The following TRMT9B variants were observed in gnomAD, a reference collection of about 807,000 sequenced individuals.
TRMT9B encodes the protein probable tRNA methyltransferase 9B.
A neutral mutation model predicts 11.5 loss-of-function variants in TRMT9B; 16 were observed. The ratio of observed to expected loss-of-function variants is 1.39; its 90% CI spans 0.94 to 2.11. The LOEUF (loss-of-function observed/expected upper bound fraction) is 2.11. TRMT9B is among the 30% of genes most tolerant of loss of function. The pLI is 0.00. For missense variants in TRMT9B, 941 were observed against 553.8 expected (o/e 1.70, Z -7.02); for synonymous variants, 274 against 192.4 (o/e 1.42, Z -3.51).
chr8:12,953,539 A>AGG, intron 1 of TRMT9B, among the ~76,000 whole-genome samples: 1 of 152,138 alleles, frequency 6.6e-6, no homozygotes, highest in Middle Eastern at 3.4e-3. Context: ...TTTAGTAGAG[A>AGG]GGGGGATTTC....
intron 2 of TRMT9B, among the ~76,000 whole-genome samples, chr8:12,991,853 C>A (rs1342638854): frequency 1.3e-5 from 2 of 152,134 alleles, no homozygotes; most frequent in Non-Finnish European, 2.9e-5. Flanking sequence ...ATTGCTTGAA[C>A]CCAGGAGGTG....
At chr8:12,949,506 A>G (rs1800434340) in intron 1 of TRMT9B, among the ~76,000 whole-genome samples, 1 of 152,120 alleles carries the variant, frequency 6.6e-6, no homozygotes, top group African/African-American at 2.4e-5. Context: ...CTTTCCCACA[A>G]CCATTACCCA....
At chr8:13,015,095 AAAT>A (rs1812380042) in intron 4 of TRMT9B, among the ~76,000 whole-genome samples, 1 of 146,324 alleles carries the variant, frequency 6.8e-6, no homozygotes, top group African/African-American at 2.6e-5. Context: ...ATAAATAAAT[AAAT>A]AAAATAAAAA....
chr8:12,998,950 A>G (rs528358485), intron 2 of TRMT9B, among the ~76,000 whole-genome samples: 1 of 152,332 alleles, frequency 6.6e-6, no homozygotes, highest in Non-Finnish European at 1.5e-5. Flanking sequence ...TTGGATATAT[A>G]TGTTAATGTC....
chr8:13,002,545 G>T (rs899976180), intron 2 of TRMT9B, among the ~76,000 whole-genome samples: 2 of 152,150 alleles, frequency 1.3e-5, no homozygotes, highest in African/African-American at 2.4e-5. Flanking sequence ...TTTATACTCA[G>T]TTAGGAGTTT....
chr8:13,021,857 T>C lies in TRMT9B; in HGVS notation c.1178T>C (p.Met393Thr), dbSNP rs781257550. 21 of 1,613,774 alleles carry C rather than the reference T, an allele frequency of 1.3e-5. No homozygotes were observed. The highest frequency in any genetic ancestry group is 3.3e-5 in the Admixed American group (2 of 59,980). ...ACAGATTTCAACCCAGATGATACAA[T>C]GTCTGTCGAAGATCCACAGACTGAT... ...DSTDFNPDDT[M>T]SVEDPQTDVL... Residue 393 changes from methionine (M) to threonine (T), a missense_variant, in exon 5 of 5, where the codon ATG becomes ACG. By Grantham distance (81) the Met-to-Thr change is moderately conservative (BLOSUM62 -1). Transcript: ENST00000524591.
intron 1 of TRMT9B, among the ~76,000 whole-genome samples, chr8:12,975,021 G>GTT (rs879279883): frequency 2.8e-5 from 4 of 143,476 alleles, no homozygotes; most frequent in Non-Finnish European, 4.6e-5. Flanking sequence ...TACATAAGCA[G>GTT]TTTTTTTTTT....
chr8:13,009,313 A>G lies in TRMT9B; in HGVS notation c.154+2957A>G, dbSNP rs1811134372. On this transcript the variant is annotated intron_variant, in intron 3 of 4. Coordinates refer to ENST00000524591, the MANE Select transcript of TRMT9B (RefSeq NM_020844.3). ...CGTTGGTTAAAAGGCTCAGAGTATC[A>G]AACAGAAGGAATTAAATTCAAAGGA... 2.0e-5 allele frequency among the ~76,000 whole-genome samples: 3 copies of G among 152,108 alleles called. No individual in the cohort carries two copies. In the South Asian group the frequency reaches 6.2e-4, roughly 32 times the overall value.
At chr8:12,986,782 C>G (rs796571579) in intron 1 of TRMT9B, among the ~76,000 whole-genome samples, 13 of 152,314 alleles carry the variant, frequency 8.5e-5, no homozygotes, top group African/African-American at 3.1e-4. Flanking sequence ...CATGAGTCAC[C>G]AGGTCCTATT....
At chr8:12,946,868 G>A (rs544061218) in intron 1 of TRMT9B, among the ~76,000 whole-genome samples, 1 of 152,174 alleles carries the variant, frequency 6.6e-6, no homozygotes, top group Non-Finnish European at 1.5e-5. Flanking sequence ...CCCAATGCCA[G>A]GAAGTTCCCT....
chr8:12,988,885 G>T (rs906464436), intron 1 of TRMT9B, among the ~76,000 whole-genome samples: 4 of 149,376 alleles, frequency 2.7e-5, no homozygotes, highest in Non-Finnish European at 6.0e-5. Context: ...ATTAGCTCAG[G>T]ATGTATCCAT....
chr8:12,958,692 A>C (rs1801630617), intron 1 of TRMT9B: 1 of 152,400 alleles, frequency 6.6e-6, no homozygotes, highest in South Asian at 2.1e-4. Context: ...CTTCAGTAGC[A>C]CAAAGAACCA....
intron 1 of TRMT9B, chr8:12,951,317 G>C (rs938099804): frequency 6.6e-6 from 1 of 152,418 alleles, no homozygotes; most frequent in Non-Finnish European, 1.5e-5. Context: ...TTCCGCTGAA[G>C]TCCGGGGCTG....
At position 13,021,123 on chromosome 8, in the gene TRMT9B, C is replaced by T. The variant is rs1813756060; in HGVS notation, c.444C>T (p.Asn148=). 1 of 1,612,936 alleles carries T rather than the reference C, an allele frequency of 6.2e-7. No individual in the cohort carries two copies. The highest frequency in any genetic ancestry group is 1.3e-5 in the African/African-American group (1 of 74,900). The change falls in exon 5 of 5, where the codon AAC becomes AAT. Residue 148 remains asparagine (N), a synonymous_variant. Transcript: ENST00000524591. ...ACGTTTGGGCAATGGAACAAAAGAA[C>T]CGTCACTTTGAGAAGCAAGACGTGC... is the stretch of plus-strand genomic sequence containing the variant. ...MIYVWAMEQK[N]RHFEKQDVLV...
At position 13,021,464 on chromosome 8, in the gene TRMT9B, G is replaced by A. The variant is rs375318294; in HGVS notation, c.785G>A (p.Arg262Lys). ...AGATCTTTGGATGAATCGACTCTGAGGAAGCAAATTGAAAGAGTAAGACCC... is the reference window on the plus strand; with the variant it reads ...AGATCTTTGGATGAATCGACTCTGAAGAAGCAAATTGAAAGAGTAAGACCC... ...FSRSLDESTL[R>K]KQIERVRPLK... is the part of the protein sequence containing the mutation. The change falls in exon 5 of 5, where the codon AGG (arginine) becomes AAG (lysine). Residue 262 changes from arginine to lysine, a missense_variant. By Grantham distance (26) the Arg-to-Lys change is conservative. Coordinates refer to ENST00000524591, the MANE Select transcript of TRMT9B (RefSeq NM_020844.3). 28 of 1,613,914 alleles carry A rather than the reference G, an allele frequency of 1.7e-5. No individual in the cohort carries two copies. In the African/African-American group the frequency reaches 3.7e-4, roughly 22 times the overall value.
At chr8:12,954,515 T>C (rs1283981018) in intron 1 of TRMT9B, among the ~76,000 whole-genome samples, 1 of 152,260 alleles carries the variant, frequency 6.6e-6, no homozygotes, top group East Asian at 1.9e-4. Flanking sequence ...GTGAAAGCTC[T>C]CATTGCGATT....
intron 4 of TRMT9B, among the ~76,000 whole-genome samples, chr8:13,014,616 G>C (rs1428176698): frequency 6.6e-6 from 1 of 152,144 alleles, no homozygotes. Flanking sequence ...CTGGGGGTTA[G>C]GGCTTCGACA....
At position 12,974,339 on chromosome 8, in the gene TRMT9B, C is replaced by A. The variant is rs115994692; in HGVS notation, c.-199-16495C>A. On this transcript the variant is annotated intron_variant, in intron 1 of 4. Coordinates refer to ENST00000524591, the MANE Select transcript of TRMT9B (RefSeq NM_020844.3). ...GCTTCTTGATAGCAGCAGGTCCAAG[C>A]TGGAGATGAGAAGTTTCAAATGGTG... Among the ~76,000 whole-genome samples the A allele has an allele frequency of 1.9e-3, 285 of 152,114 alleles. 1 individual carries two copies. The highest frequency in any genetic ancestry group is 6.6e-3 in the African/African-American group (272 of 41,482).
chr8:13,021,476 A>T lies in TRMT9B; in HGVS notation c.797A>T (p.Glu266Val), dbSNP rs1813861424. The T allele has an allele frequency of 1.2e-6, 2 of 1,614,022 alleles. No homozygotes were observed. The highest frequency in any genetic ancestry group is 8.5e-7 in the Non-Finnish European group (1 of 1,179,884). ...GAATCGACTCTGAGGAAGCAAATTGAAAGAGTAAGACCCTTGAAAAACACA... is the reference window on the plus strand; with the variant it reads ...GAATCGACTCTGAGGAAGCAAATTGTAAGAGTAAGACCCTTGAAAAACACA... The part of the protein sequence containing the change: ...LDESTLRKQI[E>V]RVRPLKNTEV... Residue 266 changes from glutamate (E) to valine (V), a missense_variant, in exon 5 of 5, where the codon GAA becomes GTA. Glu to Val is a moderately radical substitution (Grantham distance 121). Coordinates refer to ENST00000524591, the MANE Select transcript of TRMT9B (RefSeq NM_020844.3).
Sources: gnomAD v4.1 joint callset for allele counts (sites outside exome capture counted in the v4.1 genomes callset) on GRCh38, gnomAD v4.1.1 for gene constraint, MANE v1.5 for transcripts, NCBI Gene and HGNC (gene_info 2026-07-23, HGNC 2026-07-21) for gene names.